The following LDLRAD3 variants were observed in gnomAD, a reference collection of about 807,000 sequenced individuals.
LDLRAD3 encodes the protein low density lipoprotein receptor class A domain containing 3.
Under a neutral mutation model 29.4 loss-of-function variants are expected in LDLRAD3, and 20 were observed. The observed-to-expected ratio is 0.68, with a 90% CI of 0.48 to 0.99. The LOEUF (loss-of-function observed/expected upper bound fraction) is 0.99. Among genes scored for constraint, LDLRAD3 ranks in the 50% least tolerant of loss-of-function variants. The pLI, the probability that LDLRAD3 is intolerant of heterozygous loss-of-function variation, is 0.00. For synonymous variants in LDLRAD3, 157 were observed against 192.7 expected (o/e 0.81, Z 1.53); for missense variants, 420 against 454.3 (o/e 0.92, Z 0.69).
intron 1 of LDLRAD3, among the ~76,000 whole-genome samples, chr11:35,951,243 G>A (rs1017736919): frequency 4.7e-4 from 72 of 151,962 alleles, no homozygotes; most frequent in African/African-American, 1.7e-3. Flanking sequence ...TGAATTGTCT[G>A]GTATATATCA....
chr11:35,961,793 G>T (rs967914337), intron 1 of LDLRAD3, among the ~76,000 whole-genome samples: 10 of 152,036 alleles, frequency 6.6e-5, no homozygotes, highest in African/African-American at 2.2e-4. Context: ...GCATATTTAC[G>T]GGGTACATGA....
chr11:36,058,219 C>A (rs1326333795), intron 2 of LDLRAD3, among the ~76,000 whole-genome samples: 1 of 152,162 alleles, frequency 6.6e-6, no homozygotes, highest in Non-Finnish European at 1.5e-5. Context: ...TGTCTCACAC[C>A]CTGGTGCTGT....
intron 2 of LDLRAD3, among the ~76,000 whole-genome samples, chr11:36,067,110 A>G (rs1416949098): frequency 6.6e-6 from 1 of 152,120 alleles, no homozygotes; most frequent in Non-Finnish European, 1.5e-5. Context: ...ACACACTCCT[A>G]ATAATCTTTC....
At chr11:36,043,066 CT>C (rs1852403113) in intron 2 of LDLRAD3, among the ~76,000 whole-genome samples, 1 of 152,096 alleles carries the variant, frequency 6.6e-6, no homozygotes, top group South Asian at 2.1e-4. Context: ...AATCCCAGCA[CT>C]TTGGGAGGCC....
intron 2 of LDLRAD3, among the ~76,000 whole-genome samples, chr11:36,069,884 G>T (rs773382515): frequency 4.1e-4 from 62 of 152,084 alleles, no homozygotes; most frequent in Non-Finnish European, 8.1e-4. Context: ...TAATATTAGT[G>T]GAATGAAAAA....
chr11:36,206,292 G>C (rs915202433), intron 4 of LDLRAD3, among the ~76,000 whole-genome samples: 2 of 152,164 alleles, frequency 1.3e-5, no homozygotes, highest in Non-Finnish European at 2.9e-5. Context: ...AGATATTTTA[G>C]AATACTAATA....
At chr11:36,104,567 G>T (rs775399087) in intron 4 of LDLRAD3, among the ~76,000 whole-genome samples, 1 of 151,956 alleles carries the variant, frequency 6.6e-6, no homozygotes, top group Non-Finnish European at 1.5e-5. Flanking sequence ...ATCATGCAGG[G>T]GTTTATAAGA....
intron 4 of LDLRAD3, among the ~76,000 whole-genome samples, chr11:36,204,981 C>T (rs1052033705): frequency 3.3e-5 from 5 of 152,154 alleles, no homozygotes; most frequent in African/African-American, 9.6e-5. Context: ...TTCTTGCCCC[C>T]GCCCTAATGC....
At chr11:36,129,492 G>A (rs567202272) in intron 4 of LDLRAD3, among the ~76,000 whole-genome samples, 25 of 152,280 alleles carry the variant, frequency 1.6e-4, no homozygotes, top group Non-Finnish European at 2.5e-4. Flanking sequence ...TTCAGAGGAG[G>A]TGAGCCAGTA....
chr11:36,098,280 G>A, intron 3 of LDLRAD3, 47 bp from the exon 4 acceptor site: 4 of 1,610,576 alleles, frequency 2.5e-6, no homozygotes, highest in Non-Finnish European at 3.4e-6. Context: ...GGTCCCCAAG[G>A]GAACTTGCTG....
At chr11:36,083,780 A>ACACACC (rs1341157355) in intron 3 of LDLRAD3, among the ~76,000 whole-genome samples, 2 of 74,780 alleles carry the variant, frequency 2.7e-5, no homozygotes, top group African/African-American at 4.9e-5. Context: ...ACACACACAC[A>ACACACC]CCCCAGAATA....
At chr11:36,035,989 G>GAC in intron 1 of LDLRAD3, 114 bp from the exon 2 acceptor site, 1 of 984,788 alleles carries the variant, frequency 1.0e-6, no homozygotes, top group South Asian at 1.7e-5. Flanking sequence ...AGGTCAGAGA[G>GAC]GTTGAGTCAT....
At chr11:36,053,333 A>G (rs1338285864) in intron 2 of LDLRAD3, among the ~76,000 whole-genome samples, 1 of 152,028 alleles carries the variant, frequency 6.6e-6, no homozygotes, top group Non-Finnish European at 1.5e-5. Context: ...ACTTCCAACT[A>G]TCATAGCATG....
At chr11:35,967,815 A>G in intron 1 of LDLRAD3, 1 of 438,428 alleles carries the variant, frequency 2.3e-6, no homozygotes. Flanking sequence ...GCAGCCTGCA[A>G]GCTCCTGCCA....
At chr11:36,118,621 CTACAGAAGG>C (rs1853708534) in intron 4 of LDLRAD3, among the ~76,000 whole-genome samples, 1 of 152,070 alleles carries the variant, frequency 6.6e-6, no homozygotes, top group Admixed American at 6.5e-5. Flanking sequence ...CTGAGCACCA[CTACAGAAGG>C]TATCAGTCAA....
chr11:36,205,333 G>A (rs1298353395), intron 4 of LDLRAD3, among the ~76,000 whole-genome samples: 3 of 152,050 alleles, frequency 2.0e-5, no homozygotes, highest in Non-Finnish European at 2.9e-5. Flanking sequence ...GGCTCTTTTC[G>A]TGCTCCCCTC....
At position 36,193,753 on chromosome 11, in the gene LDLRAD3, G is replaced by A. The variant is rs148000302; in HGVS notation, c.455-33332G>A. Among the ~76,000 whole-genome samples the A allele has an allele frequency of 3.3e-5, 5 of 152,188 alleles. No homozygotes were observed. In the East Asian group the frequency reaches 9.7e-4, roughly 29 times the overall value. On this transcript the variant is annotated intron_variant, in intron 4 of 5. Transcript: ENST00000315571. ...ATGCCTTGTCTTAGCAGCCTTTGGG[G>A]CTATAGCCAGCACTGGTCTCATGCA...
At chr11:36,077,165 C>T (rs1853026462) in intron 2 of LDLRAD3, among the ~76,000 whole-genome samples, 3 of 152,288 alleles carry the variant, frequency 2.0e-5, no homozygotes, top group East Asian at 3.9e-4. Flanking sequence ...GTTATCTTGT[C>T]TGATATCAGT....
At chr11:36,034,076 G>C (rs578213120) in intron 1 of LDLRAD3, among the ~76,000 whole-genome samples, 258 of 152,176 alleles carry the variant, frequency 1.7e-3, no homozygotes, top group African/African-American at 6.0e-3. Context: ...AGACCTGAAG[G>C]GTGCTTACTT....
Sources: gnomAD v4.1 joint callset for allele counts (sites outside exome capture counted in the v4.1 genomes callset) on GRCh38, gnomAD v4.1.1 for gene constraint, MANE v1.5 for transcripts, NCBI Gene and HGNC (gene_info 2026-07-23, HGNC 2026-07-21) for gene names.